Variants in GRIK1 observed in about 807,000 individuals in gnomAD.
The protein encoded by GRIK1 is glutamate receptor ionotropic, kainate 1.
A neutral mutation model predicts 105.7 loss-of-function variants in GRIK1; 69 were observed. That is an observed-to-expected ratio of 0.65 (90% confidence interval 0.54 to 0.80). GRIK1 has a LOEUF of 0.80. GRIK1 is among the 30% of genes least tolerant of loss of function. The pLI is 0.00. For missense variants in GRIK1, 1,109 were observed against 1,167.3 expected, an observed-to-expected ratio of 0.95 and a Z score of 0.73; for synonymous variants, 438 against 431.3, an observed-to-expected ratio of 1.02 and a Z score of -0.19.
chr21:29,741,546 T>G (rs1437799148), intron 1 of GRIK1, among the ~76,000 whole-genome samples: 1 of 152,192 alleles, frequency 6.6e-6, no homozygotes, highest in Admixed American at 6.6e-5. Flanking sequence ...TTTCTACCTT[T>G]GGAATTCTAG....
In GRIK1 at chr21:29,555,054, G is replaced by A; in HGVS notation, c.2605C>T (p.Gln869Ter). ...AGTCCTAGAAAGAGATGACTCACCTGTTCAATATCATTATTCTTCCGTGAT... is the reference window on the plus strand; with the variant it reads ...AGTCCTAGAAAGAGATGACTCACCTATTCAATATCATTATTCTTCCGTGAT... ...YKSRKNNDIE[Q>*]KGKSSRIRFY... Residue 869 changes from glutamine to a stop codon, truncating the protein, a stop_gained and splice_region_variant, in exon 16 of 18, where the codon CAG becomes TAG. Coordinates refer to ENST00000327783, the MANE Select transcript of GRIK1 (RefSeq NM_001330994.2). LOFTEE classifies it high-confidence loss of function. 1 of 1,608,110 alleles carries A rather than the reference G, an allele frequency of 6.2e-7. No individual in the cohort carries two copies. The highest frequency in any genetic ancestry group is 8.5e-7 in the Non-Finnish European group (1 of 1,174,828).
chr21:29,913,064 T>C (rs780400780), intron 1 of GRIK1, among the ~76,000 whole-genome samples: 1 of 152,036 alleles, frequency 6.6e-6, no homozygotes, highest in Non-Finnish European at 1.5e-5. Flanking sequence ...AAAGACACCA[T>C]ATATGGAGGT....
chr21:29,654,383 A>C (rs1156455114), intron 5 of GRIK1, among the ~76,000 whole-genome samples: 1 of 152,208 alleles, frequency 6.6e-6, no homozygotes, highest in African/African-American at 2.4e-5. Context: ...CAGACATCTG[A>C]CAGGTAACCC....
At chr21:29,718,502 G>A (rs1464566556) in intron 1 of GRIK1, among the ~76,000 whole-genome samples, 1 of 152,178 alleles carries the variant, frequency 6.6e-6, no homozygotes, top group Non-Finnish European at 1.5e-5. Context: ...ATTTGCTGTT[G>A]CTTTATGACA....
intron 1 of GRIK1, among the ~76,000 whole-genome samples, chr21:29,901,445 A>G (rs542440297): frequency 6.6e-6 from 1 of 152,324 alleles, no homozygotes; most frequent in South Asian, 2.1e-4. Context: ...AGATGCAATA[A>G]AAAATGATAA....
intron 1 of GRIK1, among the ~76,000 whole-genome samples, chr21:29,820,185 G>C (rs1197430631): frequency 6.6e-6 from 1 of 152,030 alleles, no homozygotes; most frequent in East Asian, 1.9e-4. Flanking sequence ...TTATTATCCA[G>C]TTAATCCTTG....
At chr21:29,542,587 G>T (rs547861805) in intron 16 of GRIK1, among the ~76,000 whole-genome samples, 2 of 152,336 alleles carry the variant, frequency 1.3e-5, no homozygotes, top group Admixed American at 1.3e-4. Context: ...CAAAAAACTA[G>T]ACTATATGGA....
At position 29,537,427 on chromosome 21, in the gene GRIK1, A is replaced by G. The variant is rs370489007; in HGVS notation, c.2695-42T>C. The G allele has an allele frequency of 1.4e-4, 208 of 1,531,404 alleles. 1 individual carries two copies. Among genetic ancestry groups the G allele is most frequent in the Non-Finnish European group, 1.8e-4 (197 of 1,121,848 alleles). 94.9% of individuals were successfully genotyped at this position (1,531,404 alleles called of 1,614,324 possible). A position where few individuals can be genotyped will look rare whatever the true frequency, so the allele number is the denominator to read the frequency against. ...ACAGACCATCAGCTTAATTAAGCCT[A>G]TCGCATGTGCCGTTGACCTGCCTCT... is the stretch of plus-strand genomic sequence containing the variant. On this transcript the variant is annotated intron_variant, in intron 17 of 17. Transcript: ENST00000327783.
In GRIK1 at chr21:29,939,247, C is replaced by T. The variant is rs141519495; in HGVS notation, c.118+136G>A. 2,240 of 592,252 alleles carry T rather than the reference C, an allele frequency of 3.8e-3. 41 individuals are homozygous for T. In the African/African-American group the frequency reaches 0.038, roughly 10 times the overall value. 36.7% of individuals were successfully genotyped at this position (592,252 alleles called of 1,614,324 possible). A position where few individuals can be genotyped will look rare whatever the true frequency, so the allele number is the denominator to read the frequency against. ...GGCTCCCCCTTTTTTGTGTAGCCTC[C>T]CATGAGCACTGACCTCCACCTTCCC... On this transcript the variant is annotated intron_variant, in intron 1 of 17. Coordinates refer to ENST00000327783, the MANE Select transcript of GRIK1 (RefSeq NM_001330994.2).
intron 1 of GRIK1, among the ~76,000 whole-genome samples, chr21:29,820,169 C>T (rs2067260752): frequency 6.6e-6 from 1 of 152,080 alleles, no homozygotes; most frequent in African/African-American, 2.4e-5. Context: ...CCATGGGACA[C>T]AACATTTATT....
chr21:29,657,754 T>C (rs538622941), intron 4 of GRIK1: 2 of 152,360 alleles, frequency 1.3e-5, no homozygotes, highest in Admixed American at 1.3e-4. Context: ...GTTCTTGTGA[T>C]GGTCTTTAAG....
chr21:29,890,606 T>C (rs542191122), intron 1 of GRIK1, among the ~76,000 whole-genome samples: 2 of 152,258 alleles, frequency 1.3e-5, no homozygotes, highest in Admixed American at 6.5e-5. Flanking sequence ...AATACTAGTA[T>C]AATTAAAGAA....
chr21:29,867,492 A>T (rs559289088), intron 1 of GRIK1, among the ~76,000 whole-genome samples: 1 of 152,122 alleles, frequency 6.6e-6, no homozygotes, highest in African/African-American at 2.4e-5. Context: ...CATCACCACG[A>T]CTTCAGAAAA....
rs2061465505 is a variant in GRIK1, at chr21:29,598,862, T to A, written c.1174A>T (p.Ile392Phe). The A allele has an allele frequency of 1.9e-6, 3 of 1,565,802 alleles. No homozygotes were observed. The highest frequency in any genetic ancestry group is 2.6e-6 in the Non-Finnish European group (3 of 1,138,552). Reference sequence around the variant, plus strand: ...GTTCCTTCCTCTTTGAGACTAATAATGTCCAGATCAAAATCCTTCCTCAAG... The same window carrying A: ...GTTCCTTCCTCTTTGAGACTAATAAAGTCCAGATCAAAATCCTTCCTCAAG... The part of the protein sequence containing the change: ...NGLRKDFDLD[I>F]ISLKEEGTEK... The change falls in exon 8 of 18, where the codon ATT becomes TTT. Residue 392 changes from isoleucine (I) to phenylalanine (F), a missense_variant. By Grantham distance (21) the Ile-to-Phe change is conservative. Transcript: ENST00000327783.
chr21:29,898,773 C>T (rs1256546850), intron 1 of GRIK1, among the ~76,000 whole-genome samples: 1 of 152,110 alleles, frequency 6.6e-6, no homozygotes. Context: ...TGAAATTGCA[C>T]ATTAGCAGGC....
At chr21:29,772,153 C>A (rs565638585) in intron 1 of GRIK1, among the ~76,000 whole-genome samples, 1 of 152,216 alleles carries the variant, frequency 6.6e-6, no homozygotes, top group South Asian at 2.1e-4. Context: ...TTCATTGAAT[C>A]TTTCGAAATG....
chr21:29,756,754 T>A (rs2065353215), intron 1 of GRIK1, among the ~76,000 whole-genome samples: 5 of 152,064 alleles, frequency 3.3e-5, no homozygotes, highest in Admixed American at 6.5e-5. Flanking sequence ...CACAACAGTT[T>A]AAAAAAATAA....
chr21:29,690,788 T>A (rs2063570416), intron 2 of GRIK1, among the ~76,000 whole-genome samples: 1 of 152,254 alleles, frequency 6.6e-6, no homozygotes, highest in South Asian at 2.1e-4. Context: ...TGAGAGAATT[T>A]AGAATATTTA....
chr21:29,761,746 T>C (rs1390245789), intron 1 of GRIK1, among the ~76,000 whole-genome samples: 1 of 127,012 alleles, frequency 7.9e-6, no homozygotes, highest in African/African-American at 2.8e-5. Flanking sequence ...TTTCTCTTTC[T>C]TTCGTTCTTT....
Sources: allele counts gnomAD v4.1 joint callset (sites outside exome capture counted in the v4.1 genomes callset), GRCh38; gene constraint gnomAD v4.1.1; transcripts MANE v1.5; gene names NCBI Gene and HGNC (gene_info 2026-07-23, HGNC 2026-07-21).